The following TEAD1 variants were observed in gnomAD, a reference collection of about 807,000 sequenced individuals.
TEAD1 encodes the protein TEA domain transcription factor 1, also known as transcriptional enhancer factor TEF-1.
In TEAD1, 9 loss-of-function variants were observed where a neutral mutation model predicts 54.9. The observed-to-expected ratio is 0.16, with a 90% CI of 0.10 to 0.29. TEAD1 has a LOEUF of 0.29. Ranked by LOEUF, TEAD1 falls within the 10% of genes least tolerant of loss-of-function variation. The probability of loss-of-function intolerance (pLI) is 1.00; values close to 1 mark genes in which losing one functional copy is unlikely to be tolerated. For missense variants in TEAD1, 387 were observed against 535.9 expected, an observed-to-expected ratio of 0.72 and a Z score of 2.74; for synonymous variants, 200 against 187.8, an observed-to-expected ratio of 1.07 and a Z score of -0.53.
At chr11:12,714,166 A>G (rs1944004329) in intron 2 of TEAD1, among the ~76,000 whole-genome samples, 3 of 152,154 alleles carry the variant, frequency 2.0e-5, no homozygotes, top group African/African-American at 7.2e-5. Context: ...GCAGTTCATC[A>G]GGGCGGTAGC....
intron 3 of TEAD1, among the ~76,000 whole-genome samples, chr11:12,821,944 C>CTCCTT (rs1448654075): frequency 2.3e-5 from 3 of 128,770 alleles, no homozygotes; most frequent in Non-Finnish European, 3.3e-5. Flanking sequence ...TATACTCTCT[C>CTCCTT]TCCTTTTTCT....
At chr11:12,835,042 G>A (rs960968912) in intron 3 of TEAD1, among the ~76,000 whole-genome samples, 1 of 152,138 alleles carries the variant, frequency 6.6e-6, no homozygotes, top group Non-Finnish European at 1.5e-5. Flanking sequence ...CCATGTCTCT[G>A]TGACAATATA....
intron 2 of TEAD1, among the ~76,000 whole-genome samples, chr11:12,754,025 C>T (rs980450925): frequency 6.6e-6 from 1 of 152,156 alleles, no homozygotes; most frequent in South Asian, 2.1e-4. Flanking sequence ...ACTTTTGTTA[C>T]AAATCAAGTG....
intron 10 of TEAD1, among the ~76,000 whole-genome samples, chr11:12,910,647 A>T (rs1467276036): frequency 6.6e-6 from 1 of 151,736 alleles, no homozygotes; most frequent in Non-Finnish European, 1.5e-5. Context: ...AGGATATATG[A>T]TGTTATCCTA....
At chr11:12,838,848 T>C (rs950248160) in intron 3 of TEAD1, among the ~76,000 whole-genome samples, 1 of 152,240 alleles carries the variant, frequency 6.6e-6, no homozygotes, top group Admixed American at 6.5e-5. Context: ...ATTTTCGTTG[T>C]TTGCTTGTTG....
rs1589999780 is a variant in TEAD1 at position 12,930,214 on chromosome 11, G to A, written c.1055G>A (p.Arg352Gln). 5.6e-6 allele frequency: 9 copies of A among 1,614,034 alleles called. No individual in the cohort carries two copies. Among genetic ancestry groups the A allele is most frequent in the South Asian group, 1.1e-5 (1 of 91,088 alleles). The change falls in exon 12 of 13, where the codon CGA (arginine) becomes CAA (glutamine). Residue 352 changes from arginine to glutamine, a missense_variant. By Grantham distance (43) the Arg-to-Gln change is conservative. This residue lies in a region of TEAD1 where 123 missense variants were observed against 199.0 expected (regional missense o/e 0.62). Transcript: ENST00000527636. ...TTTGAGAATGGCCGATTTGTATACC[G>A]AATAAACCGCTCCCCAATGTGTGAA...
intron 3 of TEAD1, among the ~76,000 whole-genome samples, chr11:12,821,966 T>TTTTTTTTTTTTTTTTTTTTTC (rs1946557787): frequency 1.0e-5 from 1 of 99,890 alleles, no homozygotes; most frequent in Admixed American, 1.0e-4. Flanking sequence ...TTTTCCTTTT[T>TTTTTTTTTTTTTTTTTTTTTC]TTTTTTTTTT....
At chr11:12,731,664 T>A (rs1170148099) in intron 2 of TEAD1, among the ~76,000 whole-genome samples, 1 of 152,214 alleles carries the variant, frequency 6.6e-6, no homozygotes, top group Non-Finnish European at 1.5e-5. Flanking sequence ...GTAATAAATA[T>A]CCTCATAGGT....
intron 3 of TEAD1, among the ~76,000 whole-genome samples, chr11:12,842,297 T>C (rs759476677): frequency 1.8e-4 from 28 of 152,210 alleles, no homozygotes; most frequent in Non-Finnish European, 3.8e-4. Flanking sequence ...AGAATACCTA[T>C]TGAAAACCCT....
chr11:12,715,038 G>A (rs1224326422), intron 2 of TEAD1, among the ~76,000 whole-genome samples: 3 of 152,186 alleles, frequency 2.0e-5, no homozygotes, highest in Non-Finnish European at 4.4e-5. Flanking sequence ...CCAAGTGTCA[G>A]TATGTGTCAG....
intron 7 of TEAD1, 38 bp from the exon 8 acceptor site, chr11:12,881,858 C>T (rs753949235): frequency 2.5e-6 from 4 of 1,607,664 alleles, no homozygotes; most frequent in Middle Eastern, 1.6e-4. Context: ...GCTGCAGATG[C>T]GATCTCTTAA....
intron 9 of TEAD1, among the ~76,000 whole-genome samples, chr11:12,894,200 C>T (rs573394242): frequency 6.6e-6 from 1 of 152,182 alleles, no homozygotes; most frequent in African/African-American, 2.4e-5. Context: ...TTCAAGGTTT[C>T]ACTACGTTCT....
At chr11:12,824,443 T>A (rs1312198118) in intron 3 of TEAD1, among the ~76,000 whole-genome samples, 1 of 152,198 alleles carries the variant, frequency 6.6e-6, no homozygotes, top group African/African-American at 2.4e-5. Flanking sequence ...GCTATGCCTC[T>A]TGCTGGGGAA....
intron 2 of TEAD1, among the ~76,000 whole-genome samples, chr11:12,681,443 A>G (rs1943219782): frequency 1.3e-5 from 2 of 152,242 alleles, no homozygotes; most frequent in African/African-American, 4.8e-5. Context: ...GGAATGTGCC[A>G]TTTGTAATTT....
At chr11:12,837,686 C>CCTTTCTG (rs1181301545) in intron 3 of TEAD1, among the ~76,000 whole-genome samples, 1 of 148,672 alleles carries the variant, frequency 6.7e-6, no homozygotes, top group Non-Finnish European at 1.5e-5. Flanking sequence ...CCTTCTTTCT[C>CCTTTCTG]CCTTCTCCCT....
intron 3 of TEAD1, among the ~76,000 whole-genome samples, chr11:12,788,929 G>T (rs1180094053): frequency 6.6e-6 from 1 of 152,160 alleles, no homozygotes; most frequent in African/African-American, 2.4e-5. Context: ...AAGAGATGGG[G>T]TTTAGAGATG....
chr11:12,860,085 T>C (rs1377410214), intron 3 of TEAD1, among the ~76,000 whole-genome samples: 1 of 152,146 alleles, frequency 6.6e-6, no homozygotes, highest in Admixed American at 6.5e-5. Flanking sequence ...GTTCCAAAGC[T>C]TGTCAGATAA....
At chr11:12,883,218 G>A (rs1211981218) in intron 9 of TEAD1, 93 bp downstream of exon 9, 61 of 1,580,566 alleles carry the variant, frequency 3.9e-5, no homozygotes, top group Non-Finnish European at 4.8e-5. Context: ...CCTTTACCCC[G>A]CCCCATGCCT....
At chr11:12,740,230 A>G (rs985293628) in intron 2 of TEAD1, among the ~76,000 whole-genome samples, 3 of 152,326 alleles carry the variant, frequency 2.0e-5, no homozygotes, top group Non-Finnish European at 4.4e-5. Context: ...CCTCATCTCT[A>G]AAATAGGAAT....
Sources: allele counts gnomAD v4.1 joint callset (sites outside exome capture counted in the v4.1 genomes callset), GRCh38; gene constraint gnomAD v4.1.1; regional missense constraint gnomAD v4.1.1; transcripts MANE v1.5; gene names NCBI Gene and HGNC (gene_info 2026-07-23, HGNC 2026-07-21).